TBL1XR1: variants seen among roughly 807,000 people sequenced by gnomAD.
The protein encoded by TBL1XR1 is TBL1X/Y related 1.
Under a neutral mutation model 66.9 loss-of-function variants are expected in TBL1XR1, and 5 were observed. That is an observed-to-expected ratio of 0.07 (90% CI 0.04 to 0.16). The LOEUF (loss-of-function observed/expected upper bound fraction) is 0.16, where lower values mean the gene tolerates loss of function less well. Among genes scored for constraint, TBL1XR1 ranks in the 10% least tolerant of loss-of-function variants. The probability of loss-of-function intolerance (pLI) is 1.00; values close to 1 mark genes in which losing one functional copy is unlikely to be tolerated. For missense variants in TBL1XR1, 238 were observed against 623.2 expected (o/e 0.38, Z 6.58); for synonymous variants, 210 against 206.0 (o/e 1.02, Z -0.17).
intron 1 of TBL1XR1, among the ~76,000 whole-genome samples, chr3:177,132,155 C>T (rs75361900): frequency 0.016 from 2,364 of 152,286 alleles, 27 homozygotes; most frequent in Non-Finnish European, 0.024. Flanking sequence ...ACCTGGTTTT[C>T]GTGAGCCCCT....
chr3:177,120,872 T>C (rs562475005), intron 1 of TBL1XR1: 3 of 152,314 alleles, frequency 2.0e-5, no homozygotes, highest in Non-Finnish European at 4.4e-5. Flanking sequence ...CATTTACTCC[T>C]AACAACTTGA....
chr3:177,144,177 C>T (rs1022543457), intron 1 of TBL1XR1, among the ~76,000 whole-genome samples: 7 of 151,816 alleles, frequency 4.6e-5, no homozygotes, highest in African/African-American at 1.7e-4. Context: ...CCCCGGGAGG[C>T]GGAGGTTGGA....
chr3:177,106,499 C>T (rs144285834), intron 1 of TBL1XR1, among the ~76,000 whole-genome samples: 1 of 152,138 alleles, frequency 6.6e-6, no homozygotes, highest in African/African-American at 2.4e-5. Context: ...AAGGAAGCCA[C>T]GTGGTATCGG....
chr3:177,084,000 ATCATTTG>A (rs372002431), intron 2 of TBL1XR1, among the ~76,000 whole-genome samples: 39 of 151,398 alleles, frequency 2.6e-4, no homozygotes, highest in African/African-American at 8.0e-4. Flanking sequence ...AGGCAGGAGA[ATCATTTG>A]AACCCAGGAG....
intron 1 of TBL1XR1, among the ~76,000 whole-genome samples, chr3:177,176,783 C>CCA (rs1734208927): frequency 1.3e-5 from 2 of 151,934 alleles, no homozygotes; most frequent in Non-Finnish European, 2.9e-5. Context: ...CCACTGCACT[C>CCA]CAGCCTGGGC....
chr3:177,093,005 G>T (rs559526264), intron 2 of TBL1XR1, among the ~76,000 whole-genome samples: 8 of 152,176 alleles, frequency 5.3e-5, no homozygotes, highest in African/African-American at 1.9e-4. Flanking sequence ...CATCCAAATC[G>T]GTAAAGAGGA....
chr3:177,131,263 CAA>C (rs1175427316), intron 1 of TBL1XR1: 1 of 872,178 alleles, frequency 1.1e-6, no homozygotes, highest in Non-Finnish European at 1.4e-6. Flanking sequence ...GCAACACACA[CAA>C]AAAAAGTCAA....
chr3:177,050,144 A>T lies in TBL1XR1; in HGVS notation c.561-6T>A. On this transcript the variant is annotated splice_polypyrimidine_tract_variant and splice_region_variant and intron_variant, in intron 6 of 15. Transcript: ENST00000457928. ...TTGCTGTTGAGTCTCCAGACCTATA[A>T]AAGTATGCAATATATTTTAGATCCT... The T allele has an allele frequency of 6.2e-7, 1 of 1,612,712 alleles. No homozygotes were observed. Among genetic ancestry groups the T allele is most frequent in the South Asian group, 1.1e-5 (1 of 91,016 alleles).
intron 1 of TBL1XR1, among the ~76,000 whole-genome samples, chr3:177,191,996 G>A (rs575031160): frequency 1.3e-5 from 2 of 151,930 alleles, no homozygotes; most frequent in South Asian, 2.1e-4. Flanking sequence ...GGGAGGCTGA[G>A]GTAGGGGAAT....
intron 3 of TBL1XR1, among the ~76,000 whole-genome samples, chr3:177,062,353 G>A (rs1474266445): frequency 2.6e-5 from 4 of 152,210 alleles, no homozygotes; most frequent in Non-Finnish European, 5.9e-5. Context: ...ATATAGACCA[G>A]TGGCTTTCAA....
intron 2 of TBL1XR1, among the ~76,000 whole-genome samples, chr3:177,070,608 G>T (rs1037766608): frequency 6.6e-6 from 1 of 152,158 alleles, no homozygotes; most frequent in Non-Finnish European, 1.5e-5. Flanking sequence ...TAGCACTTTG[G>T]GGGGCCGAGG....
intron 2 of TBL1XR1, among the ~76,000 whole-genome samples, chr3:177,087,281 T>G (rs1398886982): frequency 6.6e-6 from 1 of 152,018 alleles, no homozygotes. Flanking sequence ...TCTTACATGT[T>G]TAAAGTACCT....
chr3:177,041,657 C>T (rs1715604685), intron 10 of TBL1XR1, among the ~76,000 whole-genome samples: 1 of 152,202 alleles, frequency 6.6e-6, no homozygotes, highest in Non-Finnish European at 1.5e-5. Flanking sequence ...ATGTGGATGA[C>T]TGTCCTGTTC....
chr3:177,049,914 T>G (rs553686470), intron 7 of TBL1XR1, 83 bp downstream of exon 7: 2 of 1,483,892 alleles, frequency 1.3e-6, no homozygotes, highest in African/African-American at 1.4e-5. Context: ...TCTGAACAAA[T>G]AGACAAACCC....
At chr3:177,026,307 C>CA in intron 15 of TBL1XR1, 66 bp downstream of exon 15, 2 of 1,262,150 alleles carry the variant, frequency 1.6e-6, no homozygotes, top group Non-Finnish European at 2.3e-6. Context: ...GTATCACTAA[C>CA]AATAAGCTGC....
intron 10 of TBL1XR1, among the ~76,000 whole-genome samples, chr3:177,045,393 C>T (rs964105695): frequency 6.6e-6 from 1 of 151,990 alleles, no homozygotes; most frequent in African/African-American, 2.4e-5. Context: ...TGAAAAGCGG[C>T]GCAAAGGTTC....
chr3:177,071,085 TG>T (rs1397822702), intron 2 of TBL1XR1, among the ~76,000 whole-genome samples: 1 of 135,722 alleles, frequency 7.4e-6, no homozygotes, highest in African/African-American at 2.8e-5. Flanking sequence ...GGCTAGAGTG[TG>T]GTGGTGCGAT....
intron 7 of TBL1XR1, among the ~76,000 whole-genome samples, chr3:177,049,674 C>G (rs930530634): frequency 1.3e-5 from 2 of 152,106 alleles, no homozygotes; most frequent in Non-Finnish European, 2.9e-5. Context: ...GAATTTTCAC[C>G]TATTATCTCA....
At chr3:177,162,957 G>A (rs754368897) in intron 1 of TBL1XR1, among the ~76,000 whole-genome samples, 60 of 152,264 alleles carry the variant, frequency 3.9e-4, no homozygotes, top group Non-Finnish European at 6.0e-4. Flanking sequence ...AATGTAAACC[G>A]GTACAGCCTC....
Sources: gnomAD v4.1 joint callset for allele counts (sites outside exome capture counted in the v4.1 genomes callset) on GRCh38, gnomAD v4.1.1 for gene constraint, MANE v1.5 for transcripts, NCBI Gene and HGNC (gene_info 2026-07-23, HGNC 2026-07-21) for gene names.